The following CSMD1 variants were observed in gnomAD, a reference collection of about 807,000 sequenced individuals.
The protein encoded by CSMD1 is CUB and sushi domain-containing protein 1.
In CSMD1, 213 loss-of-function variants were observed where a neutral mutation model predicts 417.5. The ratio of observed to expected loss-of-function variants is 0.51; its 90% CI spans 0.46 to 0.57. The LOEUF (loss-of-function observed/expected upper bound fraction) is 0.57, where lower values mean the gene tolerates loss of function less well. CSMD1 is among the 20% of genes least tolerant of loss of function. The pLI is 0.00. For missense variants in CSMD1, 6,923 were observed against 4,529.7 expected, an observed-to-expected ratio of 1.53 and a Z score of -15.17; for synonymous variants, 2,862 against 1,736.8, an observed-to-expected ratio of 1.65 and a Z score of -16.11.
chr8:3,907,608 A>G (rs950654580), intron 5 of CSMD1, among the ~76,000 whole-genome samples: 2 of 152,158 alleles, frequency 1.3e-5, no homozygotes, highest in Non-Finnish European at 2.9e-5. Context: ...ATCATGAAAA[A>G]CAAGCCTAAG....
At chr8:4,178,091 T>A (rs556291326) in intron 3 of CSMD1, among the ~76,000 whole-genome samples, 86 of 152,284 alleles carry the variant, frequency 5.6e-4, no homozygotes, top group African/African-American at 1.9e-3. Context: ...GAGGCCAGCA[T>A]CATCCTGATA....
Position 3,219,373 on chromosome 8 carries a change from A to G in CSMD1, c.4554T>C (p.Ile1518=), listed in dbSNP as rs750436270. The change falls in exon 29 of 70, where the codon ATT becomes ATC. Residue 1518 remains isoleucine, a synonymous_variant. Coordinates refer to ENST00000635120, the MANE Select transcript of CSMD1 (RefSeq NM_033225.6). ...GGGCCTGAGAGCCCTGGTAACTCCC[A>G]ATGAGGGGGCTGTTGGAATCTTCCC... is the stretch of plus-strand genomic sequence containing the variant. ...YEGEDSNSPL[I]GSYQGSQAPE... The G allele has an allele frequency of 3.8e-6, 6 of 1,570,228 alleles. No individual in the cohort carries two copies. The highest frequency in any genetic ancestry group is 1.4e-5 in the African/African-American group (1 of 73,830).
rs145569864 is a variant in CSMD1 at position 2,987,110 on chromosome 8, G to T, written c.8378-8310C>A. On this transcript the variant is annotated intron_variant, in intron 54 of 69. Transcript: ENST00000635120. ...CCGACTATATTATTTCCAGGCTTTG[G>T]ATGTATTTTTCTATCATATTTTACT... Among the ~76,000 whole-genome samples, 835 of 152,030 alleles carry T rather than the reference G, an allele frequency of 5.5e-3. 13 individuals are homozygous for T. Among genetic ancestry groups the T allele is most frequent in the African/African-American group, 0.019 (793 of 41,494 alleles).
intron 1 of CSMD1, among the ~76,000 whole-genome samples, chr8:4,884,691 T>C (rs2116972087): frequency 6.6e-6 from 1 of 152,058 alleles, no homozygotes; most frequent in South Asian, 2.1e-4. Context: ...AAAATAAGGG[T>C]TTATTTTTGG....
At chr8:3,403,528 G>C (rs1812165416) in intron 15 of CSMD1, among the ~76,000 whole-genome samples, 1 of 152,134 alleles carries the variant, frequency 6.6e-6, no homozygotes, top group South Asian at 2.1e-4. Context: ...ACAACCTATA[G>C]CTGGGTTTTG....
chr8:3,071,116 G>A (rs1396148076), intron 49 of CSMD1, among the ~76,000 whole-genome samples: 1 of 152,174 alleles, frequency 6.6e-6, no homozygotes, highest in Admixed American at 6.5e-5. Context: ...TTATTATCAT[G>A]AAGATAGCAC....
intron 3 of CSMD1, among the ~76,000 whole-genome samples, chr8:4,054,410 GCA>G (rs1798587789): frequency 6.6e-6 from 1 of 152,098 alleles, no homozygotes; most frequent in South Asian, 2.1e-4. Flanking sequence ...CCCTAGCTAG[GCA>G]CCCATCATAC....
intron 30 of CSMD1, among the ~76,000 whole-genome samples, chr8:3,213,314 T>A (rs560845142): frequency 6.6e-6 from 1 of 152,304 alleles, no homozygotes; most frequent in Non-Finnish European, 1.5e-5. Context: ...TTCTTCTTCT[T>A]TTTTAAATAT....
intron 5 of CSMD1, among the ~76,000 whole-genome samples, chr8:3,989,501 C>A (rs1345340650): frequency 6.6e-6 from 1 of 152,192 alleles, no homozygotes; most frequent in South Asian, 2.1e-4. Context: ...TTCTAGCCAA[C>A]TAATAATACT....
At chr8:3,125,659 G>C (rs1817466828) in intron 41 of CSMD1, among the ~76,000 whole-genome samples, 1 of 152,176 alleles carries the variant, frequency 6.6e-6, no homozygotes, top group Non-Finnish European at 1.5e-5. Context: ...TTCTATAAGA[G>C]TTGTTGTATT....
At chr8:4,390,497 T>TTTTTTTTTTAATTTATTTATTTA (rs58291340) in intron 3 of CSMD1, among the ~76,000 whole-genome samples, 31 of 140,324 alleles carry the variant, frequency 2.2e-4, no homozygotes, top group South Asian at 2.3e-4. Context: ...AAGCGTCCAT[T>TTTTTTTTTTAATTTATTTATTTA]TTTATTTATT....
chr8:4,559,725 C>T (rs528369778), intron 2 of CSMD1, among the ~76,000 whole-genome samples: 3 of 152,234 alleles, frequency 2.0e-5, no homozygotes, highest in African/African-American at 7.2e-5. Context: ...GCAGCTCCAT[C>T]AGTCTTTCTG....
chr8:4,369,143 G>C (rs575994949), intron 3 of CSMD1, among the ~76,000 whole-genome samples: 2 of 152,004 alleles, frequency 1.3e-5, no homozygotes, highest in Non-Finnish European at 1.5e-5. Flanking sequence ...CTGGTATTTT[G>C]TGTCTCCATT....
chr8:2,984,719 T>C (rs984572658), intron 54 of CSMD1, among the ~76,000 whole-genome samples: 6 of 152,298 alleles, frequency 3.9e-5, no homozygotes, highest in South Asian at 4.1e-4. Flanking sequence ...CAGAGACACA[T>C]AGTGGTAATT....
chr8:3,287,392 C>CAGTATGGCCATTTTCAAT (rs1803240134), intron 25 of CSMD1, among the ~76,000 whole-genome samples: 1 of 152,108 alleles, frequency 6.6e-6, no homozygotes. Flanking sequence ...TTACCTTGGG[C>CAGTATGGCCATTTTCAAT]AGTATGGCCA....
At chr8:4,456,059 CA>C (rs34519287) in intron 2 of CSMD1, among the ~76,000 whole-genome samples, 8,300 of 117,996 alleles carry the variant, frequency 0.07, 199 homozygotes, top group South Asian at 0.11. Context: ...TATCATTGAC[CA>C]AAAAAAAAAA....
chr8:4,607,125 T>A (rs1412887687), intron 2 of CSMD1, among the ~76,000 whole-genome samples: 1 of 152,170 alleles, frequency 6.6e-6, no homozygotes, highest in East Asian at 1.9e-4. Context: ...GGAGCACTTT[T>A]TTTTACCTGG....
chr8:4,466,307 A>C (rs1800165284), intron 2 of CSMD1, among the ~76,000 whole-genome samples: 2 of 152,190 alleles, frequency 1.3e-5, no homozygotes, highest in South Asian at 2.1e-4. Context: ...GGAGGAGGAG[A>C]AACAGAAGAG....
intron 5 of CSMD1, among the ~76,000 whole-genome samples, chr8:3,771,598 T>G (rs1036507438): frequency 2.6e-5 from 4 of 151,252 alleles, no homozygotes; most frequent in Non-Finnish European, 5.9e-5. Flanking sequence ...GGGCAGGGAG[T>G]CAGGCAGCAT....
Sources: gnomAD v4.1 joint callset for allele counts (sites outside exome capture counted in the v4.1 genomes callset) on GRCh38, gnomAD v4.1.1 for gene constraint, MANE v1.5 for transcripts, NCBI Gene and HGNC (gene_info 2026-07-23, HGNC 2026-07-21) for gene names.